The following HEMK2 variants were observed in gnomAD, a reference collection of about 807,000 sequenced individuals.
HEMK2 encodes the protein methyltransferase HEMK2.
the HEMK2 span, among the ~76,000 whole-genome samples, chr21:28,656,549 G>T: frequency 1.3e-5 from 2 of 151,874 alleles, no homozygotes; most frequent in African/African-American, 4.8e-5. Flanking sequence ...ACCTAGCACA[G>T]TCCATGCAAT....
chr21:28,665,130 A>G, the HEMK2 span, among the ~76,000 whole-genome samples: 1 of 150,952 alleles, frequency 6.6e-6, no homozygotes, highest in African/African-American at 2.4e-5. Context: ...ATAAAAAAAA[A>G]AAAAATTAGC....
chr21:28,694,968 A>G, the HEMK2 span, among the ~76,000 whole-genome samples: 19 of 151,294 alleles, frequency 1.3e-4, no homozygotes, highest in Admixed American at 4.6e-4. Flanking sequence ...ACTGCACTCC[A>G]GCCTGGGCAA....
chr21:28,741,408 G>T, the HEMK2 span, among the ~76,000 whole-genome samples: 1 of 151,972 alleles, frequency 6.6e-6, no homozygotes, highest in South Asian at 2.1e-4. Context: ...TTTATTTTAA[G>T]ATTTTAAGTT....
the HEMK2 span, among the ~76,000 whole-genome samples, chr21:28,823,973 C>A: frequency 2.0e-5 from 3 of 152,196 alleles, no homozygotes; most frequent in African/African-American, 7.2e-5. Context: ...AATCCCACCC[C>A]AGATCTACTT....
the HEMK2 span, among the ~76,000 whole-genome samples, chr21:28,845,278 C>T: frequency 4.3e-4 from 66 of 152,112 alleles, no homozygotes; most frequent in African/African-American, 1.4e-3. Flanking sequence ...TCTATACTGG[C>T]TTCTATTTCT....
the HEMK2 span, chr21:28,577,454 T>C: frequency 3.3e-4 from 50 of 152,312 alleles, no homozygotes; most frequent in African/African-American, 1.0e-3. Flanking sequence ...TTCAGGAAGA[T>C]GTATTTTGAT....
chr21:28,769,142 G>T, the HEMK2 span, among the ~76,000 whole-genome samples: 1 of 152,094 alleles, frequency 6.6e-6, no homozygotes, highest in Admixed American at 6.5e-5. Flanking sequence ...CAAGGATCCT[G>T]ACTGGTCTAC....
the HEMK2 span, among the ~76,000 whole-genome samples, chr21:28,749,333 C>T: frequency 6.6e-6 from 1 of 152,168 alleles, no homozygotes; most frequent in Non-Finnish European, 1.5e-5. Flanking sequence ...TTGTTCCATG[C>T]TCAAATTAAC....
chr21:28,812,443 A>G, the HEMK2 span, among the ~76,000 whole-genome samples: 1 of 152,088 alleles, frequency 6.6e-6, no homozygotes, highest in Non-Finnish European at 1.5e-5. Context: ...GATGGATTAC[A>G]TTTATTTGGT....
At chr21:28,727,719 G>A in the HEMK2 span, among the ~76,000 whole-genome samples, 3 of 152,214 alleles carry the variant, frequency 2.0e-5, no homozygotes, top group Admixed American at 6.5e-5. Context: ...CCTGCAATGC[G>A]TAGGTAAATT....
At chr21:28,657,750 A>C in the HEMK2 span, among the ~76,000 whole-genome samples, 1 of 152,142 alleles carries the variant, frequency 6.6e-6, no homozygotes, top group African/African-American at 2.4e-5. Context: ...CAGCAACCCA[A>C]ACCTTTAAGG....
chr21:28,811,480 AAAAG>A, the HEMK2 span, among the ~76,000 whole-genome samples: 2 of 151,864 alleles, frequency 1.3e-5, no homozygotes, highest in Admixed American at 6.6e-5. Context: ...GGAAAGAAAG[AAAAG>A]AAAGAAAGCC....
chr21:28,595,986 A>G, the HEMK2 span, among the ~76,000 whole-genome samples: 3 of 151,038 alleles, frequency 2.0e-5, no homozygotes, highest in Non-Finnish European at 4.4e-5. Context: ...GGGTTTCACC[A>G]TGTTAGCCAA....
the HEMK2 span, among the ~76,000 whole-genome samples, chr21:28,701,770 A>G: frequency 1.3e-5 from 2 of 152,334 alleles, no homozygotes; most frequent in Admixed American, 1.3e-4. Flanking sequence ...AGCAATTTAC[A>G]GATTCAATGC....
the HEMK2 span, among the ~76,000 whole-genome samples, chr21:28,604,409 T>C: frequency 1.6e-3 from 245 of 152,148 alleles, 2 homozygotes; most frequent in African/African-American, 5.7e-3. Context: ...CTTAAAAGTA[T>C]AATAAAAAAA....
chr21:28,837,617 A>C, the HEMK2 span, among the ~76,000 whole-genome samples: 1 of 152,198 alleles, frequency 6.6e-6, no homozygotes, highest in African/African-American at 2.4e-5. Context: ...CTGACACTCT[A>C]AGGTCACACC....
chr21:28,834,399 G>A, the HEMK2 span, among the ~76,000 whole-genome samples: 2 of 152,188 alleles, frequency 1.3e-5, no homozygotes, highest in Admixed American at 6.5e-5. Flanking sequence ...TGGAGAAGCT[G>A]AAGGTCTGTT....
chr21:28,657,419 T>C, the HEMK2 span, among the ~76,000 whole-genome samples: 1 of 152,084 alleles, frequency 6.6e-6, no homozygotes, highest in African/African-American at 2.4e-5. Context: ...AGAGAGGAAT[T>C]AGCTTTCACT....
chr21:28,720,549 A>G, the HEMK2 span, among the ~76,000 whole-genome samples: 1,668 of 152,278 alleles, frequency 0.011, 24 homozygotes, highest in African/African-American at 0.038. Context: ...CTTGGCCAAC[A>G]TAGCAAAACC....
Sources: allele counts gnomAD v4.1 joint callset (sites outside exome capture counted in the v4.1 genomes callset), GRCh38; gene constraint gnomAD v4.1.1; transcripts MANE v1.5; gene names NCBI Gene and HGNC (gene_info 2026-07-23, HGNC 2026-07-21).